Variants in CTNND2 observed in about 807,000 individuals in gnomAD.
The protein encoded by CTNND2 is catenin delta 2.
CTNND2 carries 22 observed loss-of-function variants against 144.4 expected under a neutral mutation model. The observed-to-expected ratio is 0.15, with a 90% CI of 0.11 to 0.22. The LOEUF is 0.22. Among genes scored for constraint, CTNND2 ranks in the 10% least tolerant of loss-of-function variants. The probability of loss-of-function intolerance (pLI) is 1.00; values close to 1 mark genes in which losing one functional copy is unlikely to be tolerated. For synonymous variants in CTNND2, 751 were observed against 695.6 expected (o/e 1.08, Z -1.25); for missense variants, 1,353 against 1,618.8 (o/e 0.84, Z 2.82).
At chr5:11,282,520 G>A (rs754226012) in intron 9 of CTNND2, among the ~76,000 whole-genome samples, 7 of 152,250 alleles carry the variant, frequency 4.6e-5, no homozygotes, top group Middle Eastern at 3.4e-3. Context: ...CTACAGCCTC[G>A]ATTTACAAAA....
intron 2 of CTNND2, among the ~76,000 whole-genome samples, chr5:11,624,609 C>T (rs981626361): frequency 6.6e-6 from 1 of 151,928 alleles, no homozygotes; most frequent in Non-Finnish European, 1.5e-5. Context: ...TAAAAGGAGA[C>T]CTGAATAGAG....
chr5:11,661,594 T>C (rs148198058), intron 2 of CTNND2, among the ~76,000 whole-genome samples: 310 of 152,220 alleles, frequency 2.0e-3, no homozygotes, highest in Non-Finnish European at 3.5e-3. Flanking sequence ...CATGCTTACA[T>C]CTAACTCCTT....
intron 3 of CTNND2, among the ~76,000 whole-genome samples, chr5:11,458,451 T>C (rs761772932): frequency 7.2e-5 from 11 of 152,152 alleles, no homozygotes; most frequent in Non-Finnish European, 1.0e-4. Context: ...TTGTCCAAAG[T>C]CCATTTCTAC....
At chr5:11,796,865 A>C (rs2126879114) in intron 1 of CTNND2, among the ~76,000 whole-genome samples, 1 of 152,370 alleles carries the variant, frequency 6.6e-6, no homozygotes, top group Admixed American at 6.5e-5. Flanking sequence ...GAAAAGCTCA[A>C]GAGAAGTACT....
chr5:11,186,131 C>A (rs1332533271), intron 11 of CTNND2, among the ~76,000 whole-genome samples: 2 of 152,218 alleles, frequency 1.3e-5, no homozygotes, highest in African/African-American at 4.8e-5. Context: ...AGCACAGATA[C>A]ATCTCACGTC....
rs1324358808 is a variant in CTNND2, at chr5:10,973,211, T to A, written c.*242A>T. The A allele has an allele frequency of 6.5e-6, 3 of 463,590 alleles. No individual in the cohort carries two copies. Among genetic ancestry groups the A allele is most frequent in the African/African-American group, 5.9e-5 (3 of 50,774 alleles). 28.7% of individuals were successfully genotyped at this position (463,590 alleles called of 1,614,324 possible). On this transcript the variant is annotated 3_prime_UTR_variant, in exon 22 of 22. Coordinates refer to ENST00000304623, the MANE Select transcript of CTNND2 (RefSeq NM_001332.4). The surrounding 1 kb of genome is among the most constrained non-coding windows in gnomAD (Gnocchi z 5.6). ...CTTCTCGTTACTCTACAGCTCACGCTAGAAAGGTGCTGCCCACTGTCATAT... is the reference window on the plus strand; with the variant it reads ...CTTCTCGTTACTCTACAGCTCACGCAAGAAAGGTGCTGCCCACTGTCATAT...
chr5:11,575,672 CA>C (rs1351407292), intron 2 of CTNND2, among the ~76,000 whole-genome samples: 1 of 152,170 alleles, frequency 6.6e-6, no homozygotes, highest in African/African-American at 2.4e-5. Flanking sequence ...CACCAAACAT[CA>C]TGTACTCGAC....
At chr5:11,283,673 CAAAAAAAAAAAAAAAAAAAAA>C (rs70947250) in intron 9 of CTNND2, among the ~76,000 whole-genome samples, 5 of 31,590 alleles carry the variant, frequency 1.6e-4, no homozygotes, top group Non-Finnish European at 2.3e-4. Flanking sequence ...GACTCCGTCT[CAAAAAAAAAAAAAAAAAAAAA>C]AAAAAAAAAA....
intron 9 of CTNND2, among the ~76,000 whole-genome samples, chr5:11,289,146 C>T (rs992127349): frequency 6.6e-5 from 10 of 152,200 alleles, no homozygotes; most frequent in African/African-American, 1.7e-4. Context: ...TCATGAGATC[C>T]TCGTGCTGTT....
intron 1 of CTNND2, among the ~76,000 whole-genome samples, chr5:11,800,818 G>T (rs181536610): frequency 3.1e-4 from 47 of 152,196 alleles, no homozygotes; most frequent in Non-Finnish European, 6.0e-4. Context: ...GAAATCCAAA[G>T]ATAAAGTAAT....
chr5:11,374,955 T>A (rs979060773), intron 7 of CTNND2, among the ~76,000 whole-genome samples: 2 of 152,018 alleles, frequency 1.3e-5, no homozygotes. Context: ...GGGGTACAGA[T>A]GAACTTTTCA....
chr5:11,822,455 T>C (rs1020696715), intron 1 of CTNND2, among the ~76,000 whole-genome samples: 1 of 152,130 alleles, frequency 6.6e-6, no homozygotes, highest in African/African-American at 2.4e-5. Flanking sequence ...ACATGGTATG[T>C]GTAACAAATG....
At chr5:11,657,509 T>C (rs1782976441) in intron 2 of CTNND2, among the ~76,000 whole-genome samples, 1 of 152,100 alleles carries the variant, frequency 6.6e-6, no homozygotes, top group African/African-American at 2.4e-5. Context: ...CTTTTCTTCC[T>C]TTCTTAGTAC....
intron 12 of CTNND2, among the ~76,000 whole-genome samples, chr5:11,148,853 T>G (rs1326930275): frequency 6.6e-6 from 1 of 152,216 alleles, no homozygotes; most frequent in Non-Finnish European, 1.5e-5. Flanking sequence ...TGGCATTGGT[T>G]TCTTTGTGAG....
At chr5:11,880,538 C>G (rs1325771419) in intron 1 of CTNND2, among the ~76,000 whole-genome samples, 1 of 137,188 alleles carries the variant, frequency 7.3e-6, no homozygotes, top group Non-Finnish European at 1.6e-5. Flanking sequence ...CTACCACCAC[C>G]ACTACTACTA....
chr5:11,155,477 CA>C (rs1758134534), intron 12 of CTNND2, among the ~76,000 whole-genome samples: 1 of 152,078 alleles, frequency 6.6e-6, no homozygotes, highest in African/African-American at 2.4e-5. Flanking sequence ...TTGAATCTGG[CA>C]GAATTGGAGC....
chr5:11,235,577 T>G (rs931883274), intron 10 of CTNND2, among the ~76,000 whole-genome samples: 1 of 152,220 alleles, frequency 6.6e-6, no homozygotes, highest in Non-Finnish European at 1.5e-5. Context: ...CTGCACTTTC[T>G]GGGATGTTTG....
At chr5:11,895,968 T>C (rs373222280) in intron 1 of CTNND2, among the ~76,000 whole-genome samples, 1 of 151,682 alleles carries the variant, frequency 6.6e-6, no homozygotes, top group Non-Finnish European at 1.5e-5. Flanking sequence ...GTTGAAATCA[T>C]GGGAAAATTT....
intron 3 of CTNND2, among the ~76,000 whole-genome samples, chr5:11,544,884 G>A (rs1458519167): frequency 1.3e-5 from 2 of 151,496 alleles, no homozygotes; most frequent in African/African-American, 2.4e-5. Context: ...TTTGGGAGGC[G>A]GAGGCGGGCA....
Sources: allele counts gnomAD v4.1 joint callset (sites outside exome capture counted in the v4.1 genomes callset), GRCh38; gene constraint gnomAD v4.1.1; non-coding constraint Gnocchi (gnomAD v3.1); transcripts MANE v1.5; gene names NCBI Gene and HGNC (gene_info 2026-07-23, HGNC 2026-07-21).